The following POLR1C variants were observed in gnomAD, a reference collection of about 807,000 sequenced individuals.
The protein encoded by POLR1C is RNA polymerase I and III subunit C.
Under a neutral mutation model 38.3 loss-of-function variants are expected in POLR1C, and 42 were observed. That is an observed-to-expected ratio of 1.10 (90% CI 0.86 to 1.42). The LOEUF (loss-of-function observed/expected upper bound fraction) is 1.42, where lower values mean the gene tolerates loss of function less well. Among genes scored for constraint, POLR1C ranks in the 40% most tolerant of loss-of-function variants. POLR1C has a pLI of 0.00. For missense variants in POLR1C, 507 were observed against 450.5 expected (o/e 1.13, Z -1.14); for synonymous variants, 163 against 163.9 (o/e 0.99, Z 0.04).
intron 10 of POLR1C, chr6:43,556,077 T>C: frequency 7.2e-7 from 1 of 1,394,484 alleles, no homozygotes; most frequent in Non-Finnish European, 9.7e-7. Flanking sequence ...GGAACTGTTT[T>C]GCAGACTTGT....
At chr6:43,520,826 C>T in intron 7 of POLR1C, 52 bp downstream of exon 7, 1 of 1,609,274 alleles carries the variant, frequency 6.2e-7, no homozygotes. Context: ...TATTTTCTTT[C>T]AAGGTGACAG....
Position 43,521,262 on chromosome 6 carries a change from C to T in POLR1C, c.1003C>T (p.Arg335Cys), listed in dbSNP as rs758194396. Reference sequence around the variant, plus strand: ...CAAAGTACTGATGGGGAAGTGCCGGCGCTTCTTGGATGAACTAGATGCGGT... The same window carrying T: ...CAAAGTACTGATGGGGAAGTGCCGGTGCTTCTTGGATGAACTAGATGCGGT... ...AIKVLMGKCR[R>C]FLDELDAVQM... Residue 335 changes from arginine to cysteine, a missense_variant, in exon 9 of 9, where the codon CGC (arginine) becomes TGC (cysteine). Coordinates refer to ENST00000642195, the MANE Select transcript of POLR1C (RefSeq NM_203290.4). 34 of 1,612,738 alleles carry T rather than the reference C, an allele frequency of 2.1e-5. No individual in the cohort carries two copies. The highest frequency in any genetic ancestry group is 2.4e-5 in the Non-Finnish European group (28 of 1,180,008).
At position 43,521,051 on chromosome 6, in the gene POLR1C, G is replaced by A. The variant is rs1793151418; in HGVS notation, c.922+3G>A. ...CCGGGTTCGAGATCATTATATCTGT[G>A]AGTATGAAGTGGTGAGATGAGTGGG... On this transcript the variant is annotated splice_donor_region_variant and intron_variant, in intron 8 of 8. Coordinates refer to ENST00000642195, the MANE Select transcript of POLR1C (RefSeq NM_203290.4). The A allele has an allele frequency of 6.2e-7, 1 of 1,611,206 alleles. No individual in the cohort carries two copies. Among genetic ancestry groups the A allele is most frequent in the African/African-American group, 1.3e-5 (1 of 74,968 alleles).
intron 9 of POLR1C, among the ~76,000 whole-genome samples, chr6:43,537,287 T>C (rs1444513733): frequency 6.6e-6 from 1 of 152,158 alleles, no homozygotes; most frequent in African/African-American, 2.4e-5. Context: ...TTTCTAACTT[T>C]CATTACTTCT....
rs1794503217 is a variant in POLR1C at position 43,538,724 on chromosome 6, CAAAAT to C, written c.*4+9369_*4+9373del. On this transcript the variant is annotated intron_variant, in intron 9 of 10. Coordinates refer to the POLR1C transcript ENST00000607635. Reference sequence around the variant, plus strand: ...TACTGTTAATGTCTGGTTTTGGTATCAAAATAAATAAGCCTCATAAAATGAGTTAT... The same window carrying C: ...TACTGTTAATGTCTGGTTTTGGTATCAAATAAGCCTCATAAAATGAGTTAT... The C allele has an allele frequency of 2.7e-5, 13 of 490,018 alleles. No homozygotes were observed. In the South Asian group the frequency reaches 4.7e-4, roughly 18 times the overall value. The allele number at this position is 490,018 out of a possible 1,614,324, so 30.4% of individuals were successfully genotyped here.
At chr6:43,524,918 A>G (rs201236750), downstream of POLR1C, 44 of 1,613,974 alleles carry the variant, frequency 2.7e-5, no homozygotes, top group African/African-American at 2.7e-5. Context: ...CTTTCAGCAC[A>G]CTGGTGAAAA....
intron 2 of POLR1C, among the ~76,000 whole-genome samples, chr6:43,517,669 T>TGA (rs2127687091): frequency 6.6e-6 from 1 of 152,066 alleles, no homozygotes; most frequent in South Asian, 2.1e-4. Flanking sequence ...AGCATTACGC[T>TGA]GAGACCAGGA....
At chr6:43,521,140 A>G (rs1272493712) in intron 8 of POLR1C, 42 bp from the exon 9 acceptor site, 1 of 1,610,486 alleles carries the variant, frequency 6.2e-7, no homozygotes, top group African/African-American at 1.3e-5. Flanking sequence ...TAAGTTTTAC[A>G]GGCAAGCCCT....
At chr6:43,523,520 A>G, downstream of POLR1C, 1 of 440,222 alleles carries the variant, frequency 2.3e-6, no homozygotes, top group Non-Finnish European at 4.5e-6. Flanking sequence ...CAGCACCCTT[A>G]GTTACCATTC....
chr6:43,521,024 GC>G lies in POLR1C; in HGVS notation c.901del (p.Arg301GlyfsTer22). 1 of 1,614,162 alleles carries G rather than the reference GC, an allele frequency of 6.2e-7. No homozygotes were observed. Among genetic ancestry groups the G allele is most frequent in the East Asian group, 2.2e-5 (1 of 44,886 alleles). ...NEKLKKVVRLARVRDHYIFSV... is the reference protein window; with the variant it reads ...NEKLKKVVRLXRVRDHYIFSV... ...GAAGCTAAAGAAGGTTGTGAGGCTT[GC>G]CCGGGTTCGAGATCATTATATCTGT... On this transcript the variant is annotated frameshift_variant, in exon 8 of 9. Transcript: ENST00000642195. LOFTEE classifies it high-confidence loss of function.
Position 43,558,654 on chromosome 6 carries a change from C to A in POLR1C, c.*49-2746C>A, listed in dbSNP as rs1762243677. 11 of 1,275,322 alleles carry A rather than the reference C, an allele frequency of 8.6e-6. No homozygotes were observed. In the South Asian group the frequency reaches 1.3e-4, roughly 15 times the overall value. 79.0% of individuals were successfully genotyped at this position (1,275,322 alleles called of 1,614,324 possible). A position where few individuals can be genotyped will look rare whatever the true frequency, so the allele number is the denominator to read the frequency against. On this transcript the variant is annotated intron_variant, in intron 10 of 10. Coordinates refer to the POLR1C transcript ENST00000607635. ...TGGACCCACTGAAAGAGTTTTTAAG[C>A]TTCAGGAGTTCAAGCACTTTTAATT...
intron 9 of POLR1C, among the ~76,000 whole-genome samples, chr6:43,545,473 G>A (rs766849647): frequency 3.9e-4 from 60 of 152,052 alleles, no homozygotes; most frequent in Non-Finnish European, 6.8e-4. Flanking sequence ...TTGGGAGGCC[G>A]AGGTGGACTG....
rs78434797 is a variant in POLR1C, at chr6:43,555,696, C to G, written c.*48+4685C>G. 2.9e-4 allele frequency: 294 copies of G among 1,026,376 alleles called. 1 individual carries two copies. The East Asian group carries it at 8.0e-3, about 28-fold the overall frequency. The allele number at this position is 1,026,376 out of a possible 1,614,324, so 63.6% of individuals were successfully genotyped here. A position where few individuals can be genotyped will look rare whatever the true frequency, so the allele number is the denominator to read the frequency against. On this transcript the variant is annotated intron_variant, in intron 10 of 10. Transcript: ENST00000607635. ...TTTGTGTCAGCCAATGAAAACGCTC[C>G]CTCTCCAGGATGAGCAAAGCTATTT...
chr6:43,549,994 C>T, intron 9 of POLR1C: 1 of 1,557,834 alleles, frequency 6.4e-7, no homozygotes, highest in Non-Finnish European at 8.8e-7. Flanking sequence ...TGAGATCTTG[C>T]TATGTTGCCC....
intron 2 of POLR1C, among the ~76,000 whole-genome samples, 177 bp downstream of exon 2, chr6:43,517,554 C>G (rs1170714861): frequency 6.6e-6 from 1 of 151,910 alleles, no homozygotes; most frequent in African/African-American, 2.4e-5. Flanking sequence ...CCCAGTTCTG[C>G]AAAGATGTTC....
chr6:43,538,102 A>AG (rs1401009968), intron 9 of POLR1C, among the ~76,000 whole-genome samples: 1 of 142,704 alleles, frequency 7.0e-6, no homozygotes, highest in Non-Finnish European at 1.5e-5. Flanking sequence ...AAAAAAAAAA[A>AG]GGCAAGGAAC....
chr6:43,558,055 A>G (rs1383862782), intron 10 of POLR1C, among the ~76,000 whole-genome samples: 1 of 151,668 alleles, frequency 6.6e-6, no homozygotes, highest in Non-Finnish European at 1.5e-5. Flanking sequence ...AGATCGCGCC[A>G]TTGCACTCCA....
At chr6:43,533,864 G>C, downstream of POLR1C, 1 of 1,444,844 alleles carries the variant, frequency 6.9e-7, no homozygotes, top group South Asian at 1.2e-5. Flanking sequence ...ACATCCATTA[G>C]GGATAAGATA....
chr6:43,517,658 G>C (rs1426840457), intron 2 of POLR1C, among the ~76,000 whole-genome samples: 1 of 152,088 alleles, frequency 6.6e-6, no homozygotes, highest in Non-Finnish European at 1.5e-5. Flanking sequence ...TTGGGGTGGG[G>C]AGCATTACGC....
Sources: allele counts gnomAD v4.1 joint callset (sites outside exome capture counted in the v4.1 genomes callset), GRCh38; gene constraint gnomAD v4.1.1; transcripts MANE v1.5; gene names NCBI Gene and HGNC (gene_info 2026-07-23, HGNC 2026-07-21).